AUTS2: variants seen among roughly 807,000 people sequenced by gnomAD.
The protein encoded by AUTS2 is autism susceptibility gene 2 protein.
In AUTS2, 17 loss-of-function variants were observed where a neutral mutation model predicts 112.4. That is an observed-to-expected ratio of 0.15 (90% CI 0.10 to 0.23). AUTS2 has a LOEUF of 0.23. Ranked by LOEUF, AUTS2 falls within the 10% of genes least tolerant of loss-of-function variation. The pLI, the probability that AUTS2 is intolerant of heterozygous loss-of-function variation, is 1.00. For synonymous variants in AUTS2, 751 were observed against 702.7 expected (o/e 1.07, Z -1.09); for missense variants, 1,510 against 1,701.6 (o/e 0.89, Z 1.98).
intron 5 of AUTS2, among the ~76,000 whole-genome samples, chr7:70,658,460 C>T (rs1027956966): frequency 1.3e-5 from 2 of 152,210 alleles, no homozygotes; most frequent in African/African-American, 4.8e-5. Flanking sequence ...TGAATCCAGC[C>T]CCTCACGGGG....
At chr7:70,145,860 G>A (rs2129575774) in intron 4 of AUTS2, among the ~76,000 whole-genome samples, 1 of 152,194 alleles carries the variant, frequency 6.6e-6, no homozygotes, top group African/African-American at 2.4e-5. Context: ...TTTGGTTTCA[G>A]CACATCTATG....
chr7:70,246,868 C>G (rs185022481), intron 4 of AUTS2, among the ~76,000 whole-genome samples: 1 of 151,676 alleles, frequency 6.6e-6, no homozygotes, highest in African/African-American at 2.4e-5. Flanking sequence ...TTTCTCCTTC[C>G]GGAAAATTTT....
chr7:70,700,155 C>CT (rs914541205), intron 6 of AUTS2, among the ~76,000 whole-genome samples: 11 of 152,134 alleles, frequency 7.2e-5, no homozygotes, highest in South Asian at 4.1e-4. Flanking sequence ...CTTTCCCCCC[C>CT]TTTTTTTCCT....
At chr7:70,355,859 C>G (rs1182178145) in intron 4 of AUTS2, among the ~76,000 whole-genome samples, 1 of 152,158 alleles carries the variant, frequency 6.6e-6, no homozygotes, top group East Asian at 1.9e-4. Flanking sequence ...ACCATGCTGC[C>G]TTACCCCTGG....
chr7:70,674,639 A>C (rs1235997680), intron 5 of AUTS2, among the ~76,000 whole-genome samples: 1 of 152,170 alleles, frequency 6.6e-6, no homozygotes, highest in Non-Finnish European at 1.5e-5. Flanking sequence ...CCGCTGCACC[A>C]CTTCAAAAGC....
intron 1 of AUTS2, among the ~76,000 whole-genome samples, chr7:69,679,504 T>C (rs1330012163): frequency 6.6e-6 from 1 of 152,240 alleles, no homozygotes; most frequent in African/African-American, 2.4e-5. Context: ...AAAATTTGTG[T>C]TGATTTTATG....
intron 6 of AUTS2, among the ~76,000 whole-genome samples, chr7:70,719,298 A>G (rs1454864728): frequency 1.3e-5 from 2 of 152,174 alleles, no homozygotes; most frequent in Non-Finnish European, 2.9e-5. Flanking sequence ...AGGAGTGTAC[A>G]CTGTAAACAA....
chr7:70,018,495 A>G (rs1010820997), intron 2 of AUTS2, among the ~76,000 whole-genome samples: 1 of 152,196 alleles, frequency 6.6e-6, no homozygotes, highest in South Asian at 2.1e-4. Flanking sequence ...GTAATTTACT[A>G]TAGCCATTCT....
At chr7:70,542,715 A>G (rs985882769) in intron 5 of AUTS2, among the ~76,000 whole-genome samples, 13 of 152,326 alleles carry the variant, frequency 8.5e-5, no homozygotes, top group Non-Finnish European at 1.6e-4. Flanking sequence ...CCCATTTAGC[A>G]GATGGGGCTC....
chr7:70,156,575 A>T (rs1249248156), intron 4 of AUTS2, among the ~76,000 whole-genome samples: 2 of 152,090 alleles, frequency 1.3e-5, no homozygotes, highest in South Asian at 2.1e-4. Context: ...TGGAGGTGAC[A>T]GTTCCATAAC....
At chr7:69,730,309 A>C (rs1320662393) in intron 1 of AUTS2, among the ~76,000 whole-genome samples, 1 of 151,858 alleles carries the variant, frequency 6.6e-6, no homozygotes, top group African/African-American at 2.4e-5. Flanking sequence ...CAGTTTATGA[A>C]GTTTTTTATA....
intron 1 of AUTS2, among the ~76,000 whole-genome samples, chr7:69,818,035 A>C (rs1042119179): frequency 6.6e-6 from 1 of 152,198 alleles, no homozygotes; most frequent in Non-Finnish European, 1.5e-5. Flanking sequence ...CATTTACATA[A>C]GGAGCTGTCA....
At chr7:69,821,579 C>G (rs1790993556) in intron 1 of AUTS2, among the ~76,000 whole-genome samples, 1 of 152,126 alleles carries the variant, frequency 6.6e-6, no homozygotes, top group Non-Finnish European at 1.5e-5. Flanking sequence ...CTGCTGCTCA[C>G]TCTTAGGGTC....
At chr7:70,160,180 ATAACT>A (rs1478753583) in intron 4 of AUTS2, among the ~76,000 whole-genome samples, 3 of 152,184 alleles carry the variant, frequency 2.0e-5, no homozygotes, top group African/African-American at 7.2e-5. Context: ...AGAGGATTTA[ATAACT>A]TAATAGAGTA....
chr7:70,151,936 A>G (rs1562742256), intron 4 of AUTS2, among the ~76,000 whole-genome samples: 1 of 152,236 alleles, frequency 6.6e-6, no homozygotes, highest in Admixed American at 6.5e-5. Context: ...TAGAATTAAC[A>G]GAGAATGATA....
intron 4 of AUTS2, among the ~76,000 whole-genome samples, chr7:70,279,159 A>G (rs1412612326): frequency 6.6e-6 from 1 of 152,168 alleles, no homozygotes; most frequent in East Asian, 1.9e-4. Context: ...TGAAACCATG[A>G]TATTCTGAAA....
intron 5 of AUTS2, among the ~76,000 whole-genome samples, chr7:70,482,446 A>C (rs1797828210): frequency 1.3e-5 from 2 of 152,160 alleles, no homozygotes; most frequent in Admixed American, 6.5e-5. Context: ...GACTGAGAGA[A>C]TCAATACATG....
intron 5 of AUTS2, among the ~76,000 whole-genome samples, chr7:70,467,924 C>T (rs1187092887): frequency 6.6e-6 from 1 of 152,150 alleles, no homozygotes; most frequent in Non-Finnish European, 1.5e-5. Context: ...AAAGGAATTG[C>T]TTGGTGAAAT....
intron 6 of AUTS2, among the ~76,000 whole-genome samples, chr7:70,744,574 C>A (rs554991661): frequency 6.6e-6 from 1 of 152,128 alleles, no homozygotes; most frequent in Non-Finnish European, 1.5e-5. Context: ...TTTGTGAACC[C>A]GGGGAACAGT....
Sources: gnomAD v4.1 joint callset for allele counts (sites outside exome capture counted in the v4.1 genomes callset) on GRCh38, gnomAD v4.1.1 for gene constraint, MANE v1.5 for transcripts, NCBI Gene and HGNC (gene_info 2026-07-23, HGNC 2026-07-21) for gene names.